MAST2: variants seen among roughly 807,000 people sequenced by gnomAD.
MAST2 encodes microtubule associated serine/threonine kinase 2, also known as microtubule-associated serine/threonine-protein kinase 2.
Under a neutral mutation model 147.4 loss-of-function variants are expected in MAST2, and 70 were observed. That is an observed-to-expected ratio of 0.47 (90% CI 0.39 to 0.58). The LOEUF (loss-of-function observed/expected upper bound fraction) is 0.58. Ranked by LOEUF, MAST2 falls within the 20% of genes least tolerant of loss-of-function variation. The probability of loss-of-function intolerance (pLI) is 0.00; values close to 1 mark genes in which losing one functional copy is unlikely to be tolerated. For synonymous variants in MAST2, 869 were observed against 896.8 expected (o/e 0.97, Z 0.55); for missense variants, 2,080 against 2,302.3 (o/e 0.90, Z 1.98).
chr1:45,853,082 C>T (rs998052804), intron 3 of MAST2, among the ~76,000 whole-genome samples: 10 of 151,996 alleles, frequency 6.6e-5, no homozygotes, highest in African/African-American at 2.4e-4. Context: ...AGTCGCCTAC[C>T]ACCATGCTCA....
At position 45,879,766 on chromosome 1, in the gene MAST2, A is replaced by G. The variant is rs117053604; in HGVS notation, c.469-2598A>G. ...TTTAAGATACTTCACAAAGGAATAT[A>G]TATTGATGGTTAATAAGCACATGAA... is the stretch of plus-strand genomic sequence containing the variant. On this transcript the variant is annotated intron_variant, in intron 3 of 28. Coordinates refer to ENST00000361297, the MANE Select transcript of MAST2 (RefSeq NM_015112.3). 9.8e-4 allele frequency among the ~76,000 whole-genome samples: 149 copies of G among 152,312 alleles called. 3 individuals are homozygous for G. In the East Asian group the frequency reaches 0.023, roughly 24 times the overall value.
At chr1:46,027,951 G>A (rs552026001) in intron 17 of MAST2, 88 bp downstream of exon 17, 1 of 1,526,650 alleles carries the variant, frequency 6.6e-7, no homozygotes, top group South Asian at 1.2e-5. Context: ...CAACCCTTTG[G>A]GAGGCTGAGG....
At chr1:45,857,850 G>GTTTTTTTTTTTTTTTT (rs35371770) in intron 3 of MAST2, among the ~76,000 whole-genome samples, 2 of 66,572 alleles carry the variant, frequency 3.0e-5, no homozygotes, top group East Asian at 4.4e-4. Context: ...AACATGCGGT[G>GTTTTTTTTTTTTTTTT]TTTTTTTTTT....
rs141358344 is a variant in MAST2 at position 45,985,341 on chromosome 1, G to A, written c.593-12383G>A. On this transcript the variant is annotated intron_variant, in intron 5 of 28. Transcript: ENST00000361297. ...ACTCCTGACCTCAGGTGATCCATCC[G>A]CCTTGGCTTCCCAAAGTGCTGGGAT... Among the ~76,000 whole-genome samples the A allele has an allele frequency of 1.4e-4, 22 of 151,928 alleles. No homozygotes were observed. The East Asian group carries it at 4.1e-3, about 28-fold the overall frequency.
intron 3 of MAST2, among the ~76,000 whole-genome samples, chr1:45,863,475 A>T (rs1328844891): frequency 6.6e-6 from 1 of 152,242 alleles, no homozygotes; most frequent in Non-Finnish European, 1.5e-5. Flanking sequence ...GAAAGACCAC[A>T]CTGGTTATGC....
At chr1:45,883,729 G>T (rs1481881850) in intron 4 of MAST2, among the ~76,000 whole-genome samples, 2 of 152,112 alleles carry the variant, frequency 1.3e-5, no homozygotes, top group East Asian at 1.9e-4. Flanking sequence ...TTTAAATTCA[G>T]TTTCTAGCAG....
chr1:45,893,631 C>T (rs1466150185), intron 4 of MAST2, among the ~76,000 whole-genome samples: 2 of 150,556 alleles, frequency 1.3e-5, no homozygotes, highest in African/African-American at 4.9e-5. Context: ...AAACACTAAA[C>T]TTTTGTTTCC....
chr1:46,021,844 A>C, intron 11 of MAST2, 106 bp from the exon 12 acceptor site: 2 of 1,090,470 alleles, frequency 1.8e-6, no homozygotes, highest in East Asian at 2.4e-5. Context: ...GTCCTATCAC[A>C]GAGAAAGTCT....
At position 46,035,540 on chromosome 1, in the gene MAST2, C is replaced by T. The variant is rs1389866892; in HGVS notation, c.4871C>T (p.Thr1624Ile). The change falls in exon 29 of 29, where the codon ACC (threonine) becomes ATC (isoleucine). Residue 1624 changes from threonine (T) to isoleucine (I), a missense_variant. By Grantham distance (89) the Thr-to-Ile change is moderately conservative. Coordinates refer to ENST00000361297, the MANE Select transcript of MAST2 (RefSeq NM_015112.3). This position sits in a 1 kb window ranked among gnomAD's most constrained non-coding sequence, Gnocchi z 5.5. ...TGCTGGAAGGCCCAGCACCTCCACACCCAGGCACTAACAGCACTTTCTCCC... is the reference window on the plus strand; with the variant it reads ...TGCTGGAAGGCCCAGCACCTCCACATCCAGGCACTAACAGCACTTTCTCCC... ...EGCWKAQHLH[T>I]QALTALSPST... The T allele has an allele frequency of 6.2e-7, 1 of 1,613,502 alleles. No individual in the cohort carries two copies. Among genetic ancestry groups the T allele is most frequent in the African/African-American group, 1.3e-5 (1 of 75,016 alleles).
chr1:46,015,422 C>T lies in MAST2; in HGVS notation c.1189-4174C>T, dbSNP rs181432563. Among the ~76,000 whole-genome samples, 277 of 151,976 alleles carry T rather than the reference C, an allele frequency of 1.8e-3. 6 individuals are homozygous for T. The East Asian group carries it at 0.045, about 25-fold the overall frequency. Reference sequence around the variant, plus strand: ...GAAAGGATCAACAAAATTGATAGACCGCTACCAAGACTAATAAAGAAGAAA... The same window carrying T: ...GAAAGGATCAACAAAATTGATAGACTGCTACCAAGACTAATAAAGAAGAAA... On this transcript the variant is annotated intron_variant, in intron 10 of 28. Transcript: ENST00000361297.
At chr1:45,972,109 G>A (rs1426208609) in intron 5 of MAST2, among the ~76,000 whole-genome samples, 1 of 152,164 alleles carries the variant, frequency 6.6e-6, no homozygotes, top group Non-Finnish European at 1.5e-5. Flanking sequence ...GACTAAGATC[G>A]TAATAATGCC....
At chr1:45,994,747 A>G (rs1644987520) in intron 5 of MAST2, among the ~76,000 whole-genome samples, 1 of 152,172 alleles carries the variant, frequency 6.6e-6, no homozygotes, top group Non-Finnish European at 1.5e-5. Context: ...GCTCCTTCCC[A>G]GGAACTGGGT....
intron 4 of MAST2, among the ~76,000 whole-genome samples, chr1:45,919,799 T>G (rs1373226564): frequency 6.6e-6 from 1 of 152,110 alleles, no homozygotes; most frequent in Admixed American, 6.5e-5. Flanking sequence ...ATGTTTTTTT[T>G]TTTTTTTTTC....
intron 4 of MAST2, among the ~76,000 whole-genome samples, chr1:45,923,663 C>A (rs1432575415): frequency 6.6e-6 from 1 of 152,174 alleles, no homozygotes; most frequent in Non-Finnish European, 1.5e-5. Context: ...TCTTAACAAC[C>A]ACACTGTTCC....
At chr1:45,827,745 A>G (rs1213130162) in intron 2 of MAST2, among the ~76,000 whole-genome samples, 2 of 152,206 alleles carry the variant, frequency 1.3e-5, no homozygotes, top group Non-Finnish European at 2.9e-5. Context: ...TTTTAAAAGT[A>G]TATTGTAATT....
At chr1:45,816,946 G>A (rs1570197946) in intron 1 of MAST2, among the ~76,000 whole-genome samples, 2 of 152,260 alleles carry the variant, frequency 1.3e-5, no homozygotes, top group South Asian at 4.1e-4. Context: ...CAAAGTGTTG[G>A]GATTACAGGC....
At chr1:45,958,108 G>A (rs1659902904) in intron 4 of MAST2, among the ~76,000 whole-genome samples, 2 of 152,050 alleles carry the variant, frequency 1.3e-5, no homozygotes, top group African/African-American at 4.8e-5. Flanking sequence ...GGCATTCCAT[G>A]GTGACTGAGG....
Position 46,035,014 on chromosome 1 carries a change from C to T in MAST2, c.4345C>T (p.Leu1449=). The T allele has an allele frequency of 6.2e-7, 1 of 1,614,036 alleles. No homozygotes were observed. The highest frequency in any genetic ancestry group is 8.5e-7 in the Non-Finnish European group (1 of 1,180,040). ...ACTGCCGCCCAGGGAAGTGAGCCCT[C>T]TGGAGGTAGTTGGAGCCAGGAGTGT... The part of the protein sequence containing the change: ...KELPPREVSP[L]EVVGARSVLS... Residue 1449 remains leucine, a synonymous_variant, in exon 29 of 29, where the codon CTG becomes TTG. Coordinates refer to ENST00000361297, the MANE Select transcript of MAST2 (RefSeq NM_015112.3). The surrounding 1 kb of genome is among the most constrained non-coding windows in gnomAD (Gnocchi z 5.5).
In MAST2 at chr1:46,006,295, G is replaced by A. The variant is rs1244604087; in HGVS notation, c.802G>A (p.Asp268Asn). 1.9e-6 allele frequency: 3 copies of A among 1,613,768 alleles called. No individual in the cohort carries two copies. Residue 268 changes from aspartate (D) to asparagine (N), a missense_variant, in exon 8 of 29, where the codon GAT becomes AAT. By Grantham distance (23) the Asp-to-Asn change is conservative. Transcript: ENST00000361297. Reference sequence around the variant, plus strand: ...TCAGTTGCCTTTCCAGCCTACAGCTGATGAGCTGCACTTTTTGACGAAGCA... The same window carrying A: ...TCAGTTGCCTTTCCAGCCTACAGCTAATGAGCTGCACTTTTTGACGAAGCA... The part of the protein sequence containing the change: ...LHQLPFQPTA[D>N]ELHFLTKHFS...
Sources: allele counts gnomAD v4.1 joint callset (sites outside exome capture counted in the v4.1 genomes callset), GRCh38; gene constraint gnomAD v4.1.1; non-coding constraint Gnocchi (gnomAD v3.1); transcripts MANE v1.5; gene names NCBI Gene and HGNC (gene_info 2026-07-23, HGNC 2026-07-21).